The following SLC7A2 variants were observed in gnomAD, a reference collection of about 807,000 sequenced individuals.
SLC7A2 encodes solute carrier family 7 member 2, also known as cationic amino acid transporter 2.
SLC7A2 carries 48 observed loss-of-function variants against 58.9 expected under a neutral mutation model. The ratio of observed to expected loss-of-function variants is 0.82; its 90% confidence interval spans 0.65 to 1.04. SLC7A2 has a LOEUF of 1.04. SLC7A2 is among the 50% of genes least tolerant of loss of function. The pLI, the probability that SLC7A2 is intolerant of heterozygous loss-of-function variation, is 0.00. For synonymous variants in SLC7A2, 363 were observed against 314.5 expected (o/e 1.15, Z -1.63); for missense variants, 1,029 against 818.8 (o/e 1.26, Z -3.13).
At position 17,551,812 on chromosome 8, in the gene SLC7A2, C is replaced by T. The variant is rs201391044; in HGVS notation, c.881C>T (p.Thr294Met). The change falls in exon 7 of 13, where the codon ACG becomes ATG. Residue 294 changes from threonine (T) to methionine (M), a missense_variant. Thr to Met is a moderately conservative substitution (Grantham distance 81, BLOSUM62 -1). Coordinates refer to ENST00000494857, the MANE Select transcript of SLC7A2 (RefSeq NM_001370338.1). ...PQKAIPIGIV[T>M]SLLVCFMAYF... ...AAAGCTATTCCCATTGGAATTGTGA[C>T]GTCTTTGCTTGTTTGCTTTATGGCC... 9.3e-6 allele frequency: 15 copies of T among 1,613,728 alleles called. No individual in the cohort carries two copies. The highest frequency in any genetic ancestry group is 2.2e-5 in the East Asian group (1 of 44,840).
At chr8:17,529,261 C>T (rs1002134692) in intron 2 of SLC7A2, among the ~76,000 whole-genome samples, 12 of 152,168 alleles carry the variant, frequency 7.9e-5, no homozygotes, top group South Asian at 4.1e-4. Context: ...GTCTTGTGTA[C>T]GTACAACCAT....
chr8:17,506,726 T>C (rs1314024132), intron 2 of SLC7A2, among the ~76,000 whole-genome samples: 1 of 151,686 alleles, frequency 6.6e-6, no homozygotes, highest in Non-Finnish European at 1.5e-5. Context: ...TGAAAACAAA[T>C]AATAATTACT....
intron 8 of SLC7A2, 117 bp from the exon 9 acceptor site, chr8:17,558,178 A>G (rs910733791): frequency 1.5e-6 from 1 of 667,304 alleles, no homozygotes; most frequent in African/African-American, 1.8e-5. Context: ...ACTCTGGTTG[A>G]CTTATCCTTG....
chr8:17,527,547 A>G (rs772608297), intron 2 of SLC7A2, among the ~76,000 whole-genome samples: 15 of 152,238 alleles, frequency 9.9e-5, no homozygotes, highest in Non-Finnish European at 2.1e-4. Flanking sequence ...CTTGAAGTCC[A>G]AAATCAAGGT....
At chr8:17,534,692 T>TG (rs1372932143) in intron 2 of SLC7A2, among the ~76,000 whole-genome samples, 25 of 32,470 alleles carry the variant, frequency 7.7e-4, no homozygotes, top group South Asian at 1.3e-3. Flanking sequence ...AAGTTTCAAA[T>TG]GGAAAAAAAA....
At chr8:17,538,732 G>T (rs1801779445) in intron 2 of SLC7A2, 2 of 1,490,600 alleles carry the variant, frequency 1.3e-6, no homozygotes, top group South Asian at 2.4e-5. Flanking sequence ...GTATGGTAAA[G>T]ATCCCTACTT....
intron 2 of SLC7A2, among the ~76,000 whole-genome samples, chr8:17,512,869 C>T (rs1800660587): frequency 1.3e-5 from 2 of 152,182 alleles, no homozygotes; most frequent in African/African-American, 2.4e-5. Context: ...GAACTTTATA[C>T]ATGTGGAATC....
At position 17,551,955 on chromosome 8, in the gene SLC7A2, G is replaced by A. The variant is rs145987320; in HGVS notation, c.1024G>A (p.Ala342Thr). 1.1e-4 allele frequency: 183 copies of A among 1,614,058 alleles called. No individual in the cohort carries two copies. The highest frequency in any genetic ancestry group is 7.5e-4 in the Admixed American group (45 of 60,016). Reference sequence around the variant, plus strand: ...ATGGGGTCCTGCCAAATATGTCGTCGCAGCTGGTTCTCTCTGCGCCTTGTC... The same window carrying A: ...ATGGGGTCCTGCCAAATATGTCGTCACAGCTGGTTCTCTCTGCGCCTTGTC... ...VGWGPAKYVVAAGSLCALSTS... is the reference protein window; with the variant it reads ...VGWGPAKYVVTAGSLCALSTS... The change falls in exon 7 of 13, where the codon GCA becomes ACA. Residue 342 changes from alanine (A) to threonine (T), a missense_variant. Coordinates refer to ENST00000494857, the MANE Select transcript of SLC7A2 (RefSeq NM_001370338.1).
intron 2 of SLC7A2, among the ~76,000 whole-genome samples, chr8:17,537,367 C>G (rs1801714452): frequency 6.6e-6 from 1 of 152,166 alleles, no homozygotes; most frequent in Admixed American, 6.5e-5. Flanking sequence ...TGTGTGGCTT[C>G]TACTGCCAGC....
intron 8 of SLC7A2, among the ~76,000 whole-genome samples, chr8:17,556,336 T>C (rs1802701482): frequency 1.3e-5 from 2 of 152,218 alleles, no homozygotes; most frequent in Admixed American, 1.3e-4. Flanking sequence ...TTTAAAAGCT[T>C]ATCTTTCTCT....
chr8:17,535,775 C>T (rs111667190), intron 2 of SLC7A2, among the ~76,000 whole-genome samples: 8,536 of 151,918 alleles, frequency 0.056, 277 homozygotes, highest in Middle Eastern at 0.078. Context: ...TGGTGGTGGG[C>T]GCCTGTAGTC....
chr8:17,542,172 C>T (rs1801940796), intron 2 of SLC7A2, among the ~76,000 whole-genome samples: 1 of 152,180 alleles, frequency 6.6e-6, no homozygotes, highest in South Asian at 2.1e-4. Flanking sequence ...ACATCTGCTT[C>T]ACATTCATTG....
At chr8:17,548,537 A>T (rs1464867393) in intron 4 of SLC7A2, 141 bp from the exon 5 acceptor site, 3 of 608,722 alleles carry the variant, frequency 4.9e-6, no homozygotes, top group South Asian at 2.7e-5. Flanking sequence ...ACTAATGAGT[A>T]AGAACTAGCA....
At chr8:17,545,551 C>CTA in intron 4 of SLC7A2, among the ~76,000 whole-genome samples, 1 of 151,802 alleles carries the variant, frequency 6.6e-6, no homozygotes, top group South Asian at 2.1e-4. Flanking sequence ...GTGCGCGCCA[C>CTA]CGCACCTGGC....
intron 2 of SLC7A2, among the ~76,000 whole-genome samples, chr8:17,522,734 C>A (rs2588217): frequency 6.6e-6 from 1 of 151,962 alleles, no homozygotes; most frequent in South Asian, 2.1e-4. Context: ...CTAGGAAGTA[C>A]ATTTTTTAAA....
At chr8:17,494,691 C>T (rs1487307224), upstream of SLC7A2, among the ~76,000 whole-genome samples, 2 of 152,176 alleles carry the variant, frequency 1.3e-5, no homozygotes, top group Non-Finnish European at 2.9e-5. Context: ...GCATCCTATT[C>T]TTTCCTCATC....
At chr8:17,535,914 T>G (rs984131438) in intron 2 of SLC7A2, among the ~76,000 whole-genome samples, 1 of 151,824 alleles carries the variant, frequency 6.6e-6, no homozygotes, top group Non-Finnish European at 1.5e-5. Context: ...AAACAAAAAT[T>G]TTTTTTACAT....
At chr8:17,524,694 C>T (rs540777509) in intron 2 of SLC7A2, among the ~76,000 whole-genome samples, 2 of 152,096 alleles carry the variant, frequency 1.3e-5, no homozygotes. Context: ...AAAGACTACA[C>T]ACTGGGTACA....
Position 17,518,238 on chromosome 8 carries a change from A to T in SLC7A2, c.-23+15936A>T, listed in dbSNP as rs529880653. Among the ~76,000 whole-genome samples, 5 of 149,710 alleles carry T rather than the reference A, an allele frequency of 3.3e-5. No individual in the cohort carries two copies. In the South Asian group the frequency reaches 1.1e-3, roughly 32 times the overall value. ...TCTTTCTTTTTTTTTTTTGCACAACATCCAAAAGTAAAGGAAACAATATTC... is the reference window on the plus strand; with the variant it reads ...TCTTTCTTTTTTTTTTTTGCACAACTTCCAAAAGTAAAGGAAACAATATTC... On this transcript the variant is annotated intron_variant, in intron 2 of 12. Coordinates refer to ENST00000494857, the MANE Select transcript of SLC7A2 (RefSeq NM_001370338.1).
Sources: gnomAD v4.1 joint callset for allele counts (sites outside exome capture counted in the v4.1 genomes callset) on GRCh38, gnomAD v4.1.1 for gene constraint, MANE v1.5 for transcripts, NCBI Gene and HGNC (gene_info 2026-07-23, HGNC 2026-07-21) for gene names.